The following OR3A2 variants were observed in gnomAD, a reference collection of about 807,000 sequenced individuals.
OR3A2 encodes the protein olfactory receptor 3A2.
For synonymous variants in OR3A2, 126 were observed against 159.3 expected (o/e 0.79, Z 1.57); for missense variants, 318 against 392.8 (o/e 0.81, Z 1.61).
At chr17:3,326,389 A>T (rs949609674) in intron 3 of OR3A2, among the ~76,000 whole-genome samples, 3 of 152,102 alleles carry the variant, frequency 2.0e-5, no homozygotes, top group African/African-American at 7.3e-5. Context: ...TTCAGAACAT[A>T]GGCATCGGCA....
chr17:3,383,028 A>G (rs544833187), intron 2 of OR3A2, among the ~76,000 whole-genome samples: 2 of 151,924 alleles, frequency 1.3e-5, no homozygotes, highest in East Asian at 3.9e-4. Flanking sequence ...TCCTGTTAAC[A>G]TGGACAAAGC....
rs1045990063 is a variant in OR3A2, at chr17:3,359,125, T to C, written c.-178-22999A>G. 2.0e-5 allele frequency among the ~76,000 whole-genome samples: 3 copies of C among 151,824 alleles called. No individual in the cohort carries two copies. In the East Asian group the frequency reaches 5.8e-4, roughly 29 times the overall value. On this transcript the variant is annotated intron_variant, in intron 2 of 4. Transcript: ENST00000573491. ...CCCCTGCTTCCTTTTTTCTATTTGC[T>C]GGGTAGATTTTCCTCCATCCTTTTA...
At chr17:3,283,594 C>A (rs1215103756) in intron 1 of OR3A2, among the ~76,000 whole-genome samples, 1 of 152,142 alleles carries the variant, frequency 6.6e-6, no homozygotes, top group Admixed American at 6.5e-5. Flanking sequence ...AGCTAGAGTT[C>A]TCAGGGAAGA....
At chr17:3,300,123 C>G (rs888269469) in intron 3 of OR3A2, among the ~76,000 whole-genome samples, 28 of 151,612 alleles carry the variant, frequency 1.8e-4, no homozygotes, top group African/African-American at 6.1e-4. Context: ...TTCTATAAGA[C>G]TTTCCCTTCC....
intron 3 of OR3A2, among the ~76,000 whole-genome samples, chr17:3,315,630 C>T (rs577304684): frequency 1.3e-5 from 2 of 152,080 alleles, no homozygotes; most frequent in East Asian, 3.9e-4. Flanking sequence ...TTCTCCCAAT[C>T]CATAGGTTGT....
intron 3 of OR3A2, among the ~76,000 whole-genome samples, chr17:3,315,751 TG>T (rs59845428): frequency 0.031 from 4,040 of 128,812 alleles, 119 homozygotes; most frequent in African/African-American, 0.071. Context: ...GGTGAAAATA[TG>T]GGGGGGGGGG....
At chr17:3,364,748 G>C (rs886932038) in intron 2 of OR3A2, among the ~76,000 whole-genome samples, 1 of 152,132 alleles carries the variant, frequency 6.6e-6, no homozygotes, top group African/African-American at 2.4e-5. Context: ...TGGGTATATA[G>C]CCAAAGGAAG....
intron 2 of OR3A2, among the ~76,000 whole-genome samples, chr17:3,360,294 T>C (rs2049500806): frequency 6.6e-6 from 1 of 151,660 alleles, no homozygotes; most frequent in African/African-American, 2.4e-5. Flanking sequence ...TTTGTTTGAG[T>C]TCTTTGTGGA....
rs1233788180 is a variant in OR3A2, at chr17:3,348,731, G to T, written c.-178-12605C>A. On this transcript the variant is annotated intron_variant, in intron 2 of 4. Transcript: ENST00000573491. ...GCAACTCCAAAATACATAATTGTCA[G>T]ATTCACCAAAGTTGAAATGAAGGAA... Among the ~76,000 whole-genome samples, 18 of 152,160 alleles carry T rather than the reference G, an allele frequency of 1.2e-4. 1 individual carries two copies. In the South Asian group the frequency reaches 3.7e-3, roughly 32 times the overall value.
chr17:3,358,402 T>C (rs1190569235), intron 2 of OR3A2, among the ~76,000 whole-genome samples: 1 of 151,764 alleles, frequency 6.6e-6, no homozygotes, highest in Non-Finnish European at 1.5e-5. Flanking sequence ...AACTTTTTGA[T>C]GTGGGCATTT....
chr17:3,291,459 T>C (rs2150621415), intron 3 of OR3A2: 2 of 562,760 alleles, frequency 3.6e-6, no homozygotes, highest in Middle Eastern at 4.6e-4. Context: ...TATACACTCA[T>C]TGCTTATAAT....
chr17:3,358,879 T>G (rs945173728), intron 2 of OR3A2, among the ~76,000 whole-genome samples: 1 of 151,552 alleles, frequency 6.6e-6, no homozygotes, highest in African/African-American at 2.4e-5. Flanking sequence ...GTCAGTGGAG[T>G]GTTGAAGAGT....
intron 2 of OR3A2, among the ~76,000 whole-genome samples, chr17:3,345,436 G>T (rs72809741): frequency 3.9e-4 from 35 of 89,062 alleles, no homozygotes; most frequent in African/African-American, 1.0e-3. Context: ...GAGAGAGAGA[G>T]AGATAGAGAC....
At chr17:3,374,707 A>G (rs993419009) in intron 2 of OR3A2, among the ~76,000 whole-genome samples, 2 of 151,892 alleles carry the variant, frequency 1.3e-5, no homozygotes, top group Non-Finnish European at 2.9e-5. Context: ...GATTTTATTT[A>G]TTTTTATTTT....
intron 2 of OR3A2, among the ~76,000 whole-genome samples, chr17:3,380,526 C>T (rs1324533243): frequency 2.0e-5 from 3 of 152,238 alleles, no homozygotes; most frequent in South Asian, 4.1e-4. Context: ...TACTCATCTC[C>T]GAATGCCTCC....
intron 3 of OR3A2, among the ~76,000 whole-genome samples, chr17:3,293,768 A>T (rs2150622972): frequency 6.6e-6 from 1 of 152,336 alleles, no homozygotes; most frequent in South Asian, 2.1e-4. Flanking sequence ...ACGGAATACT[A>T]TGCAGCCATG....
chr17:3,302,870 G>T (rs557022608), intron 3 of OR3A2, among the ~76,000 whole-genome samples: 1 of 152,104 alleles, frequency 6.6e-6, no homozygotes, highest in African/African-American at 2.4e-5. Context: ...TACTCAGTTC[G>T]GGCTAAAAGC....
chr17:3,382,320 G>C (rs1320744674), intron 2 of OR3A2, among the ~76,000 whole-genome samples: 1 of 152,208 alleles, frequency 6.6e-6, no homozygotes, highest in Admixed American at 6.5e-5. Context: ...GTAAAGTTGA[G>C]TGGGAAAACT....
chr17:3,312,659 C>T (rs376650034), intron 3 of OR3A2, among the ~76,000 whole-genome samples: 17 of 152,290 alleles, frequency 1.1e-4, no homozygotes, highest in African/African-American at 3.6e-4. Flanking sequence ...GAGTTTCGCT[C>T]GGTCGCCCAG....
Sources: allele counts gnomAD v4.1 joint callset (sites outside exome capture counted in the v4.1 genomes callset), GRCh38; gene constraint gnomAD v4.1.1; transcripts MANE v1.5; gene names NCBI Gene and HGNC (gene_info 2026-07-23, HGNC 2026-07-21).